Variants in P4HA1 observed in about 807,000 individuals in gnomAD.
The protein encoded by P4HA1 is prolyl 4-hydroxylase subunit alpha-1.
In P4HA1, 24 loss-of-function variants were observed where a neutral mutation model predicts 72.8. That is an observed-to-expected ratio of 0.33 (90% CI 0.24 to 0.46). P4HA1 has a LOEUF of 0.46. Among genes scored for constraint, P4HA1 ranks in the 20% least tolerant of loss-of-function variants. The pLI, the probability that P4HA1 is intolerant of heterozygous loss-of-function variation, is 1.00. For missense variants in P4HA1, 446 were observed against 640.6 expected (o/e 0.70, Z 3.28); for synonymous variants, 201 against 218.8 (o/e 0.92, Z 0.72).
rs530374232 is a variant in P4HA1, at chr10:73,074,156, ACTT to A, written c.77-332_77-330del. The stretch of plus-strand genomic sequence containing the variant: ...TTAATGTTTCTTCACCTTTACCTTT[ACTT>A]CTTTAGTTCCCCTTTACCTTACCTT... On this transcript the variant is annotated intron_variant, in intron 2 of 14. Transcript: ENST00000394890. The A allele has an allele frequency of 1.6e-4, 34 of 217,248 alleles. No homozygotes were observed. The South Asian group carries it at 2.7e-3, about 17-fold the overall frequency. 13.5% of individuals were successfully genotyped at this position (217,248 alleles called of 1,614,324 possible).
chr10:73,060,427 G>T (rs1191059138), intron 5 of P4HA1, among the ~76,000 whole-genome samples: 1 of 152,158 alleles, frequency 6.6e-6, no homozygotes, highest in Non-Finnish European at 1.5e-5. Flanking sequence ...ATCAAGCCTT[G>T]CCAGGCAAGG....
intron 5 of P4HA1, among the ~76,000 whole-genome samples, chr10:73,066,668 C>T (rs1280527205): frequency 1.3e-5 from 2 of 152,042 alleles, no homozygotes; most frequent in African/African-American, 4.8e-5. Context: ...CCAAATATCA[C>T]CTTGAATTTT....
chr10:73,018,480 T>C (rs1013576381), intron 10 of P4HA1, among the ~76,000 whole-genome samples: 2 of 152,162 alleles, frequency 1.3e-5, no homozygotes, highest in Admixed American at 6.5e-5. Flanking sequence ...GTCATTGCTG[T>C]GCTGCTCTCT....
intron 1 of P4HA1, among the ~76,000 whole-genome samples, chr10:73,078,030 C>A: frequency 7.1e-6 from 1 of 141,206 alleles, no homozygotes; most frequent in Non-Finnish European, 1.5e-5. Flanking sequence ...CTATCAAAAG[C>A]CAGATGGAAT....
intron 5 of P4HA1, among the ~76,000 whole-genome samples, chr10:73,066,405 G>T (rs1841423738): frequency 6.6e-6 from 1 of 152,148 alleles, no homozygotes; most frequent in Non-Finnish European, 1.5e-5. Flanking sequence ...TAATATTCAG[G>T]ACCATTTTGA....
intron 9 of P4HA1, among the ~76,000 whole-genome samples, chr10:73,039,854 C>T (rs1222418697): frequency 2.3e-5 from 2 of 86,998 alleles, no homozygotes; most frequent in Non-Finnish European, 2.1e-5. Flanking sequence ...CTGAGATGGC[C>T]TTTTTTTTTT....
At chr10:73,075,511 T>C (rs553727244) in intron 1 of P4HA1, among the ~76,000 whole-genome samples, 1 of 152,304 alleles carries the variant, frequency 6.6e-6, no homozygotes, top group South Asian at 2.1e-4. Context: ...AATTGAATAG[T>C]AGGTGGCTTT....
At chr10:73,089,008 CATTA>C (rs1467017953) in intron 1 of P4HA1, among the ~76,000 whole-genome samples, 1 of 152,124 alleles carries the variant, frequency 6.6e-6, no homozygotes, top group Non-Finnish European at 1.5e-5. Flanking sequence ...AGAATCGGCT[CATTA>C]ATTTCTATAA....
intron 14 of P4HA1, 31 bp from the exon 15 acceptor site, chr10:73,008,323 C>T (rs1043639338): frequency 5.4e-6 from 7 of 1,289,162 alleles, no homozygotes; most frequent in East Asian, 2.3e-5. Context: ...ATTAATTTTC[C>T]CCCTTAATCT....
chr10:73,050,440 G>A (rs1362204301), intron 7 of P4HA1, among the ~76,000 whole-genome samples: 3 of 151,618 alleles, frequency 2.0e-5, no homozygotes, highest in Admixed American at 1.3e-4. Context: ...AGCAGCTCAC[G>A]CCTGTAATCC....
intron 5 of P4HA1, among the ~76,000 whole-genome samples, chr10:73,064,616 G>C (rs569499108): frequency 2.0e-3 from 303 of 152,250 alleles, no homozygotes; most frequent in Middle Eastern, 0.014. Context: ...TGAGGTGGAC[G>C]GAACACTTGA....
chr10:73,041,546 C>G (rs184154596), intron 9 of P4HA1, among the ~76,000 whole-genome samples: 39 of 148,246 alleles, frequency 2.6e-4, no homozygotes, highest in South Asian at 1.9e-3. Context: ...CCATCCCCCC[C>G]CCAAAAAAAA....
At chr10:73,070,841 C>T (rs929604017) in intron 4 of P4HA1, among the ~76,000 whole-genome samples, 1 of 152,070 alleles carries the variant, frequency 6.6e-6, no homozygotes, top group Non-Finnish European at 1.5e-5. Context: ...CATTATAAAA[C>T]AACTTAGTTC....
intron 13 of P4HA1, 88 bp downstream of exon 13, chr10:73,010,881 T>A (rs1251342108): frequency 2.1e-6 from 2 of 939,780 alleles, no homozygotes; most frequent in South Asian, 1.5e-5. Context: ...GAAAAAAAAA[T>A]GTAATTCATT....
intron 1 of P4HA1, among the ~76,000 whole-genome samples, chr10:73,085,762 C>T (rs1841913142): frequency 6.6e-6 from 1 of 152,154 alleles, no homozygotes; most frequent in Admixed American, 6.6e-5. Flanking sequence ...TGTTCAACAT[C>T]ATTCATCACT....
chr10:73,070,602 C>T (rs1841535968), intron 4 of P4HA1, among the ~76,000 whole-genome samples: 1 of 152,052 alleles, frequency 6.6e-6, no homozygotes, highest in African/African-American at 2.4e-5. Flanking sequence ...TTAGATCAAT[C>T]ATGGGAGTTT....
At chr10:73,085,005 G>A (rs1051274871) in intron 1 of P4HA1, among the ~76,000 whole-genome samples, 13 of 152,072 alleles carry the variant, frequency 8.5e-5, no homozygotes, top group African/African-American at 2.9e-4. Context: ...GCCGGGCATG[G>A]TGGCATGCTC....
chr10:73,028,330 AC>A (rs1840342690), intron 10 of P4HA1, among the ~76,000 whole-genome samples: 1 of 150,576 alleles, frequency 6.6e-6, no homozygotes, highest in African/African-American at 2.5e-5. Flanking sequence ...ACACACACAC[AC>A]ACACACACAC....
chr10:73,044,046 A>C, intron 9 of P4HA1: 1 of 891,958 alleles, frequency 1.1e-6, no homozygotes, highest in Non-Finnish European at 1.9e-6. Flanking sequence ...GCCACAGGTG[A>C]TTGGAAGGGT....
Sources: allele counts gnomAD v4.1 joint callset (sites outside exome capture counted in the v4.1 genomes callset), GRCh38; gene constraint gnomAD v4.1.1; transcripts MANE v1.5; gene names NCBI Gene and HGNC (gene_info 2026-07-23, HGNC 2026-07-21).